FAM135B: variants seen among roughly 807,000 people sequenced by gnomAD.
FAM135B encodes protein FAM135B.
A neutral mutation model predicts 127.7 loss-of-function variants in FAM135B; 43 were observed. The observed-to-expected ratio is 0.34, with a 90% confidence interval of 0.26 to 0.43. FAM135B has a LOEUF of 0.43. FAM135B is among the 20% of genes least tolerant of loss of function. FAM135B has a pLI of 1.00. For missense variants in FAM135B, 1,558 were observed against 1,725.6 expected (o/e 0.90, Z 1.72); for synonymous variants, 670 against 665.1 (o/e 1.01, Z -0.11).
intron 1 of FAM135B, among the ~76,000 whole-genome samples, chr8:138,399,554 C>T (rs1307853752): frequency 6.6e-6 from 1 of 152,212 alleles, no homozygotes; most frequent in African/African-American, 2.4e-5. Flanking sequence ...CCACTGTCAA[C>T]AGACCAAGCC....
At chr8:138,246,920 A>G (rs570889818) in intron 6 of FAM135B, among the ~76,000 whole-genome samples, 25 of 152,338 alleles carry the variant, frequency 1.6e-4, no homozygotes, top group Middle Eastern at 6.8e-3. Flanking sequence ...GATGTGAGAC[A>G]TGGAGTCAAA....
chr8:138,138,120 C>G (rs879377170), intron 18 of FAM135B, among the ~76,000 whole-genome samples: 4 of 152,184 alleles, frequency 2.6e-5, no homozygotes, highest in Admixed American at 1.3e-4. Flanking sequence ...GCCACCCCAG[C>G]TCCTGCACCC....
intron 1 of FAM135B, chr8:138,459,366 AC>A (rs1401213889): frequency 6.6e-6 from 1 of 152,180 alleles, no homozygotes; most frequent in Non-Finnish European, 1.5e-5. Context: ...AGTGGCAGGG[AC>A]AATTATAAAT....
chr8:138,397,455 A>G (rs987319873), intron 1 of FAM135B, among the ~76,000 whole-genome samples: 9 of 152,236 alleles, frequency 5.9e-5, no homozygotes, highest in African/African-American at 2.2e-4. Flanking sequence ...AATGCGTTAA[A>G]TGCCAATACA....
intron 2 of FAM135B, among the ~76,000 whole-genome samples, chr8:138,341,505 T>G (rs894974174): frequency 7.3e-6 from 1 of 137,718 alleles, no homozygotes; most frequent in African/African-American, 2.8e-5. Flanking sequence ...TGGATCATGG[T>G]GATGGTTCCA....
intron 1 of FAM135B, among the ~76,000 whole-genome samples, chr8:138,376,782 C>A (rs1168349740): frequency 6.6e-6 from 1 of 152,180 alleles, no homozygotes; most frequent in African/African-American, 2.4e-5. Flanking sequence ...AACTGTCAGT[C>A]ACTCATCATC....
At chr8:138,381,678 C>G (rs1294847518) in intron 1 of FAM135B, among the ~76,000 whole-genome samples, 1 of 152,204 alleles carries the variant, frequency 6.6e-6, no homozygotes, top group Non-Finnish European at 1.5e-5. Context: ...CATTACTCTC[C>G]TTTCTGATCA....
chr8:138,389,679 T>G (rs1832429331), intron 1 of FAM135B, among the ~76,000 whole-genome samples: 1 of 152,214 alleles, frequency 6.6e-6, no homozygotes, highest in South Asian at 2.1e-4. Context: ...GAAGAGTGAT[T>G]TCTCATGCAA....
chr8:138,449,407 T>C (rs1240988147), intron 1 of FAM135B, among the ~76,000 whole-genome samples: 1 of 151,808 alleles, frequency 6.6e-6, no homozygotes, highest in African/African-American at 2.4e-5. Flanking sequence ...GAGGAAGGGC[T>C]CTGAGAGAGG....
chr8:138,496,513 G>A (rs145516980), intron 1 of FAM135B, among the ~76,000 whole-genome samples, 158 bp downstream of exon 1: 1 of 152,212 alleles, frequency 6.6e-6, no homozygotes, highest in Non-Finnish European at 1.5e-5. Context: ...CTGGAGGGCA[G>A]AGAGACTGGG....
At chr8:138,370,069 A>G (rs1563943552) in intron 1 of FAM135B, among the ~76,000 whole-genome samples, 2 of 152,244 alleles carry the variant, frequency 1.3e-5, no homozygotes, top group East Asian at 1.9e-4. Flanking sequence ...AGCCCTCTGC[A>G]TGAGTAGTAT....
At position 138,447,829 on chromosome 8, in the gene FAM135B, T is replaced by G. The variant is rs181027603; in HGVS notation, c.-20+48842A>C. Among the ~76,000 whole-genome samples, 705 of 143,520 alleles carry G rather than the reference T, an allele frequency of 4.9e-3. 5 individuals are homozygous for G. Among genetic ancestry groups the G allele is most frequent in the South Asian group, 0.017 (76 of 4,546 alleles). 94.2% of individuals were successfully genotyped at this position (143,520 alleles called of 152,430 possible). The stretch of plus-strand genomic sequence containing the variant: ...TAATAATAAAAAAAAAAAGAAAAAA[T>G]AAAGCCTCAGGTTATATGAAGACAA... On this transcript the variant is annotated intron_variant, in intron 1 of 19. Coordinates refer to ENST00000395297, the MANE Select transcript of FAM135B (RefSeq NM_015912.4).
At chr8:138,139,701 G>C in intron 17 of FAM135B, among the ~76,000 whole-genome samples, 1 of 152,192 alleles carries the variant, frequency 6.6e-6, no homozygotes, top group Non-Finnish European at 1.5e-5. Flanking sequence ...GGGAGGCAGA[G>C]CTTGCAGTGA....
At chr8:138,377,566 G>A (rs1483087645) in intron 1 of FAM135B, among the ~76,000 whole-genome samples, 2 of 152,090 alleles carry the variant, frequency 1.3e-5, no homozygotes. Flanking sequence ...AACCCAGTCT[G>A]GAGATAACTA....
chr8:138,293,012 C>T (rs967823020), intron 3 of FAM135B, among the ~76,000 whole-genome samples: 27 of 152,096 alleles, frequency 1.8e-4, no homozygotes, highest in Non-Finnish European at 2.9e-4. Flanking sequence ...TACTACAAGT[C>T]TATAGTTCCA....
At chr8:138,449,931 G>A (rs1836399900) in intron 1 of FAM135B, among the ~76,000 whole-genome samples, 2 of 152,074 alleles carry the variant, frequency 1.3e-5, no homozygotes, top group Admixed American at 1.3e-4. Flanking sequence ...TATAATCTAT[G>A]GGTTTGAATA....
intron 15 of FAM135B, 34 bp downstream of exon 15, chr8:138,145,925 G>C (rs1817611490): frequency 8.8e-7 from 1 of 1,133,924 alleles, no homozygotes. Flanking sequence ...ATGCATCCAG[G>C]GTTCTTCCAG....
At position 138,188,634 on chromosome 8, in the gene FAM135B, G is replaced by T. The variant is rs76546035; in HGVS notation, c.873+6624C>A. ...CGTGGTGCCTGGGGCACACAGGCCT[G>T]TTCACTATAAGCCTGGGATCTCTCC... On this transcript the variant is annotated intron_variant, in intron 9 of 19. Coordinates refer to ENST00000395297, the MANE Select transcript of FAM135B (RefSeq NM_015912.4). Among the ~76,000 whole-genome samples the T allele has an allele frequency of 2.5e-3, 386 of 152,274 alleles. 2 individuals are homozygous for T. The highest frequency in any genetic ancestry group is 9.0e-3 in the African/African-American group (375 of 41,554).
chr8:138,297,226 A>G (rs2130822829), intron 3 of FAM135B, among the ~76,000 whole-genome samples: 1 of 152,354 alleles, frequency 6.6e-6, no homozygotes, highest in East Asian at 1.9e-4. Flanking sequence ...GCACGAGTCC[A>G]TGACGGTGAG....
Sources: allele counts gnomAD v4.1 joint callset (sites outside exome capture counted in the v4.1 genomes callset), GRCh38; gene constraint gnomAD v4.1.1; transcripts MANE v1.5; gene names NCBI Gene and HGNC (gene_info 2026-07-23, HGNC 2026-07-21).